The following FGF2 variants were observed in gnomAD, a reference collection of about 807,000 sequenced individuals.
FGF2 encodes fibroblast growth factor 2, also known as basic fibroblast growth factor bFGF.
In FGF2, 13 loss-of-function variants were observed where a neutral mutation model predicts 15.9. That is an observed-to-expected ratio of 0.82 (90% confidence interval 0.53 to 1.30). The LOEUF (loss-of-function observed/expected upper bound fraction) is 1.30. Among genes scored for constraint, FGF2 ranks in the 50% most tolerant of loss-of-function variants. The pLI is 0.00. For missense variants in FGF2, 163 were observed against 196.9 expected, an observed-to-expected ratio of 0.83 and a Z score of 1.03; for synonymous variants, 90 against 78.4, an observed-to-expected ratio of 1.15 and a Z score of -0.78.
intron 1 of FGF2, among the ~76,000 whole-genome samples, chr4:122,850,918 G>A (rs1726218419): frequency 6.6e-6 from 1 of 152,036 alleles, no homozygotes; most frequent in Non-Finnish European, 1.5e-5. Flanking sequence ...CTTTTATGAC[G>A]CTTAGAAAAT....
intron 1 of FGF2, chr4:122,840,292 A>T (rs1725952177): frequency 6.6e-6 from 1 of 152,172 alleles, no homozygotes; most frequent in South Asian, 2.1e-4. Flanking sequence ...CCTGAAGAGG[A>T]ACTCTGATCA....
upstream of FGF2, chr4:122,826,700 T>G (rs1488026632): frequency 4.8e-6 from 6 of 1,255,402 alleles, no homozygotes; most frequent in Admixed American, 2.1e-4. Flanking sequence ...ACCGCCGAAC[T>G]CAGAGGCCGG....
Position 122,844,569 on chromosome 4 carries a change from CTTTT to C in FGF2, c.178+17219_178+17222del, listed in dbSNP as rs768139965. 9.8e-4 allele frequency among the ~76,000 whole-genome samples: 127 copies of C among 129,024 alleles called. 1 individual carries two copies. Among genetic ancestry groups the C allele is most frequent in the African/African-American group, 4.2e-3 (120 of 28,456 alleles). 84.6% of individuals were successfully genotyped at this position (129,024 alleles called of 152,430 possible). On this transcript the variant is annotated intron_variant, in intron 1 of 2. Coordinates refer to ENST00000644866, the MANE Select transcript of FGF2 (RefSeq NM_001361665.2). ...TCTTTCTTTCTCTTTTTCTTTCTTTCTTTTTCTTTCTTTCTTTCTTCCTTCCTTC... is the reference window on the plus strand; with the variant it reads ...TCTTTCTTTCTCTTTTTCTTTCTTTCTCTTTCTTTCTTTCTTCCTTCCTTC...
Position 122,827,855 on chromosome 4 carries a change from C to CT in FGF2, c.178+504dup, listed in dbSNP as rs1725681110. Reference sequence around the variant, plus strand: ...ATATGGCACACTACTCTCACCCACTCTGTTTTATATTTTTCCGAATTGACG... The same window carrying CT: ...ATATGGCACACTACTCTCACCCACTCTTGTTTTATATTTTTCCGAATTGACG... On this transcript the variant is annotated intron_variant, in intron 1 of 2. Coordinates refer to ENST00000644866, the MANE Select transcript of FGF2 (RefSeq NM_001361665.2). The surrounding 1 kb of genome is among the most constrained non-coding windows in gnomAD (Gnocchi z 4.2). 6.6e-6 allele frequency among the ~76,000 whole-genome samples: 1 copy of CT among 152,220 alleles called. No individual in the cohort carries two copies. Among genetic ancestry groups the CT allele is most frequent in the Non-Finnish European group, 1.5e-5 (1 of 68,042 alleles).
chr4:122,876,290 G>C, intron 1 of FGF2, 31 bp from the exon 2 acceptor site: 1 of 1,289,038 alleles, frequency 7.8e-7, no homozygotes, highest in Non-Finnish European at 1.1e-6. Flanking sequence ...CCTCTGTGGT[G>C]CTACAAAGAT....
chr4:122,871,781 C>CAAAAAAAAAAAAAA (rs55677162), intron 1 of FGF2, among the ~76,000 whole-genome samples: 1 of 94,312 alleles, frequency 1.1e-5, no homozygotes. Context: ...CATTGAAAGA[C>CAAAAAAAAAAAAAA]AAAAAAAAAA....
chr4:122,843,770 C>T (rs553728990), intron 1 of FGF2, among the ~76,000 whole-genome samples: 80 of 152,208 alleles, frequency 5.3e-4, no homozygotes, highest in Non-Finnish European at 4.3e-4. Context: ...GTACTGTAAT[C>T]GGTTAAGTGT....
At chr4:122,861,335 C>T (rs1232110652) in intron 1 of FGF2, among the ~76,000 whole-genome samples, 1 of 152,190 alleles carries the variant, frequency 6.6e-6, no homozygotes, top group African/African-American at 2.4e-5. Context: ...TTTCCACAGG[C>T]ATTGCAATTT....
In FGF2 at chr4:122,897,869, T is replaced by C; in HGVS notation, c.*5473T>C. ...TTTTTTTGGGGGAGCTGGTAACTGATGAAATCTTTTCCCACCTTTTCTCTT... is the reference window on the plus strand; with the variant it reads ...TTTTTTTGGGGGAGCTGGTAACTGACGAAATCTTTTCCCACCTTTTCTCTT... On this transcript the variant is annotated 3_prime_UTR_variant, in exon 3 of 3. Transcript: ENST00000644866. 1 of 575,624 alleles carries C rather than the reference T, an allele frequency of 1.7e-6. No individual in the cohort carries two copies. Among genetic ancestry groups the C allele is most frequent in the Non-Finnish European group, 3.1e-6 (1 of 319,450 alleles). The allele number at this position is 575,624 out of a possible 1,614,324, so 35.7% of individuals were successfully genotyped here.
chr4:122,833,179 ATGTG>A (rs139686023), intron 1 of FGF2, among the ~76,000 whole-genome samples: 4 of 148,954 alleles, frequency 2.7e-5, no homozygotes, highest in Non-Finnish European at 6.0e-5. Flanking sequence ...TGTATAATGG[ATGTG>A]TGTGTGTGTG....
chr4:122,862,990 T>A (rs1726503077), intron 1 of FGF2, among the ~76,000 whole-genome samples: 2 of 152,180 alleles, frequency 1.3e-5, no homozygotes, highest in Admixed American at 1.3e-4. Flanking sequence ...AAAGTCCAAT[T>A]TAGAAAGGTC....
In FGF2 at chr4:122,893,271, A is replaced by T. The variant is rs1727246170; in HGVS notation, c.*875A>T. 6 of 1,513,000 alleles carry T rather than the reference A, an allele frequency of 4.0e-6. 1 individual carries two copies. The Middle Eastern group carries it at 5.3e-4, about 134-fold the overall frequency. The allele number at this position is 1,513,000 out of a possible 1,614,324, so 93.7% of individuals were successfully genotyped here. A position where few individuals can be genotyped will look rare whatever the true frequency, so the allele number is the denominator to read the frequency against. ...ACAAATCAATAATAATTACACTTTT[A>T]GAAACTGTATCATCAAAGATTTTCA... On this transcript the variant is annotated 3_prime_UTR_variant, in exon 3 of 3. Coordinates refer to ENST00000644866, the MANE Select transcript of FGF2 (RefSeq NM_001361665.2).
At chr4:122,882,795 C>T (rs564210591) in intron 2 of FGF2, 1 of 152,208 alleles carries the variant, frequency 6.6e-6, no homozygotes, top group East Asian at 1.9e-4. Flanking sequence ...CTAGTCTTAC[C>T]ATCCAATTTG....
At position 122,876,411 on chromosome 4, in the gene FGF2, G is replaced by A. The variant is rs768053240; in HGVS notation, c.269G>A (p.Arg90Lys). ...NRYLAMKEDGRLLASKCVTDE... is the reference protein window; with the variant it reads ...NRYLAMKEDGKLLASKCVTDE... ...TACCTGGCTATGAAGGAAGATGGAA[G>A]ATTACTGGCTTCTGTAAGCATACTT... Residue 90 changes from arginine (R) to lysine (K), a missense_variant, in exon 2 of 3, where the codon AGA becomes AAA. Coordinates refer to ENST00000644866, the MANE Select transcript of FGF2 (RefSeq NM_001361665.2). The A allele has an allele frequency of 1.9e-6, 3 of 1,604,532 alleles. No individual in the cohort carries two copies. Among genetic ancestry groups the A allele is most frequent in the Admixed American group, 1.7e-5 (1 of 59,996 alleles).
At chr4:122,839,876 T>C (rs913897318) in intron 1 of FGF2, among the ~76,000 whole-genome samples, 14 of 152,198 alleles carry the variant, frequency 9.2e-5, no homozygotes, top group African/African-American at 3.4e-4. Context: ...TATCTTCTTA[T>C]AGTTCTGGAG....
At chr4:122,834,881 T>G (rs1725832195) in intron 1 of FGF2, among the ~76,000 whole-genome samples, 1 of 152,192 alleles carries the variant, frequency 6.6e-6, no homozygotes, top group African/African-American at 2.4e-5. Context: ...ATTAATAGAT[T>G]GCCACTAGTG....
chr4:122,845,705 A>T (rs1217078153), intron 1 of FGF2, among the ~76,000 whole-genome samples: 7 of 152,194 alleles, frequency 4.6e-5, no homozygotes, highest in Admixed American at 4.6e-4. Context: ...CTCAGCCTTC[A>T]TAGAACTGAA....
intron 2 of FGF2, among the ~76,000 whole-genome samples, chr4:122,887,557 C>A (rs1261707596): frequency 6.6e-6 from 1 of 152,128 alleles, no homozygotes; most frequent in Non-Finnish European, 1.5e-5. Context: ...AATTAACTAT[C>A]CAGACAAAAA....
In FGF2 at chr4:122,827,451, G is replaced by C. The variant is rs1725666964; in HGVS notation, c.178+99G>C. ...CACCCTCCTCCCGGATCTTCACTGC[G>C]ACCCTAGCGCTCCGTGTGGTTTCTG... On this transcript the variant is annotated intron_variant, in intron 1 of 2. Transcript: ENST00000644866. This position sits in a 1 kb window ranked among gnomAD's most constrained non-coding sequence, Gnocchi z 4.2. 2.4e-5 allele frequency: 33 copies of C among 1,371,738 alleles called. No individual in the cohort carries two copies. The highest frequency in any genetic ancestry group is 3.4e-5 in the Non-Finnish European group (33 of 977,562). 85.0% of individuals were successfully genotyped at this position (1,371,738 alleles called of 1,614,324 possible).
Sources: gnomAD v4.1 joint callset for allele counts (sites outside exome capture counted in the v4.1 genomes callset) on GRCh38, gnomAD v4.1.1 for gene constraint, Gnocchi (gnomAD v3.1) non-coding constraint, MANE v1.5 for transcripts, NCBI Gene and HGNC (gene_info 2026-07-23, HGNC 2026-07-21) for gene names.